PLCB1: variants seen among roughly 807,000 people sequenced by gnomAD.
PLCB1 encodes phospholipase C beta 1, also known as 1-phosphatidylinositol 4,5-bisphosphate phosphodiesterase beta-1.
In PLCB1, 46 loss-of-function variants were observed where a neutral mutation model predicts 161.8. That is an observed-to-expected ratio of 0.28 (90% confidence interval 0.22 to 0.36). The LOEUF (loss-of-function observed/expected upper bound fraction) is 0.36, where lower values mean the gene tolerates loss of function less well. PLCB1 is among the 10% of genes least tolerant of loss of function. The pLI, the probability that PLCB1 is intolerant of heterozygous loss-of-function variation, is 1.00. For synonymous variants in PLCB1, 517 were observed against 503.7 expected (o/e 1.03, Z -0.35); for missense variants, 1,016 against 1,472.5 (o/e 0.69, Z 5.07).
At chr20:8,761,976 A>AGGGG (rs376412796) in intron 25 of PLCB1, among the ~76,000 whole-genome samples, 3,335 of 146,188 alleles carry the variant, frequency 0.023, 34 homozygotes, top group African/African-American at 0.034. Flanking sequence ...GGGGAGGCCA[A>AGGGG]GGGGGGGGCG....
At chr20:8,457,025 T>C (rs888270739) in intron 3 of PLCB1, among the ~76,000 whole-genome samples, 1 of 152,238 alleles carries the variant, frequency 6.6e-6, no homozygotes, top group Admixed American at 6.5e-5. Flanking sequence ...GTCAGTCACA[T>C]TTTAACCAAA....
chr20:8,620,485 A>G (rs1452240084), intron 3 of PLCB1, among the ~76,000 whole-genome samples: 1 of 152,024 alleles, frequency 6.6e-6, no homozygotes, highest in East Asian at 1.9e-4. Context: ...CACACTTGCA[A>G]TCCTAGCATT....
intron 27 of PLCB1, among the ~76,000 whole-genome samples, chr20:8,778,343 C>T (rs149843541): frequency 2.0e-5 from 3 of 152,156 alleles, no homozygotes; most frequent in East Asian, 1.9e-4. Context: ...CCTAAACATC[C>T]CAGGAACAAT....
chr20:8,363,973 G>T (rs562013134), intron 2 of PLCB1, among the ~76,000 whole-genome samples: 4 of 152,056 alleles, frequency 2.6e-5, no homozygotes, highest in Non-Finnish European at 5.9e-5. Flanking sequence ...AAATACATAC[G>T]ATTATTATTG....
At chr20:8,276,412 C>T (rs1032936930) in intron 2 of PLCB1, among the ~76,000 whole-genome samples, 2 of 152,104 alleles carry the variant, frequency 1.3e-5, no homozygotes, top group African/African-American at 4.8e-5. Flanking sequence ...GCTTGGGAAA[C>T]CTGCCTCACA....
At chr20:8,313,370 AGGCCACTCTGAGC>A (rs1410257220) in intron 2 of PLCB1, among the ~76,000 whole-genome samples, 95 of 152,264 alleles carry the variant, frequency 6.2e-4, no homozygotes, top group Admixed American at 5.8e-3. Flanking sequence ...ATTCTCCAGC[AGGCCACTCTGAGC>A]ATGTTCTCAT....
At chr20:8,240,390 T>TA (rs1980550675) in intron 2 of PLCB1, among the ~76,000 whole-genome samples, 3 of 152,016 alleles carry the variant, frequency 2.0e-5, no homozygotes, top group Non-Finnish European at 4.4e-5. Flanking sequence ...TTTTTATACT[T>TA]AGTGATGTAT....
At chr20:8,278,791 A>G (rs1263551946) in intron 2 of PLCB1, among the ~76,000 whole-genome samples, 10 of 152,110 alleles carry the variant, frequency 6.6e-5, no homozygotes, top group Non-Finnish European at 1.5e-4. Flanking sequence ...AAAGGTGAAC[A>G]TACACGTGTG....
intron 3 of PLCB1, among the ~76,000 whole-genome samples, chr20:8,436,967 T>C (rs1980341546): frequency 6.6e-6 from 1 of 152,080 alleles, no homozygotes; most frequent in Non-Finnish European, 1.5e-5. Flanking sequence ...TTTTTGTATT[T>C]TTAGTAGAGA....
intron 31 of PLCB1, among the ~76,000 whole-genome samples, chr20:8,851,194 C>T (rs1306903748): frequency 6.6e-6 from 1 of 152,198 alleles, no homozygotes; most frequent in East Asian, 1.9e-4. Flanking sequence ...ATTAGATGAC[C>T]TTGTGTGCTC....
chr20:8,759,900 T>TTC (rs1440033701), intron 24 of PLCB1, among the ~76,000 whole-genome samples: 1 of 135,682 alleles, frequency 7.4e-6, no homozygotes, highest in East Asian at 2.0e-4. Flanking sequence ...TATCACATTT[T>TTC]TTTTTTTTTT....
chr20:8,202,706 CA>C (rs1405566416), intron 2 of PLCB1, among the ~76,000 whole-genome samples: 2 of 152,130 alleles, frequency 1.3e-5, no homozygotes, highest in Non-Finnish European at 2.9e-5. Flanking sequence ...GGATCCCACA[CA>C]GGGATAAAGA....
chr20:8,549,204 TA>T lies in PLCB1; in HGVS notation c.247-79089del, dbSNP rs1424560037. 3.8e-4 allele frequency among the ~76,000 whole-genome samples: 58 copies of T among 152,208 alleles called. 1 individual carries two copies. The highest frequency in any genetic ancestry group is 1.3e-3 in the African/African-American group (54 of 41,546). On this transcript the variant is annotated intron_variant, in intron 3 of 31. Coordinates refer to ENST00000338037, the MANE Select transcript of PLCB1 (RefSeq NM_015192.4). ...ACCAGAAAATAAATAAATAAATATA[TA>T]TTTTTTTAAAACCTGCTTTGTCAGG...
intron 27 of PLCB1, among the ~76,000 whole-genome samples, chr20:8,779,273 G>A (rs1209691118): frequency 3.9e-5 from 6 of 151,940 alleles, no homozygotes; most frequent in Admixed American, 6.6e-5. Flanking sequence ...ATAGACACTG[G>A]AGACGAAAAT....
chr20:8,537,214 C>T (rs1568498176), intron 3 of PLCB1, among the ~76,000 whole-genome samples: 1 of 152,152 alleles, frequency 6.6e-6, no homozygotes, highest in East Asian at 1.9e-4. Context: ...GTAAAGTACA[C>T]TTGGAAGAGG....
At chr20:8,603,291 T>A (rs888840790) in intron 3 of PLCB1, among the ~76,000 whole-genome samples, 1 of 152,242 alleles carries the variant, frequency 6.6e-6, no homozygotes, top group Non-Finnish European at 1.5e-5. Flanking sequence ...CCCTCTTTTA[T>A]ATACATCCCT....
intron 14 of PLCB1, among the ~76,000 whole-genome samples, chr20:8,721,690 G>A (rs1210859139): frequency 1.3e-5 from 2 of 152,128 alleles, no homozygotes; most frequent in Non-Finnish European, 2.9e-5. Flanking sequence ...TATGCACTTC[G>A]TTGTGATGAC....
intron 3 of PLCB1, among the ~76,000 whole-genome samples, chr20:8,487,297 A>G (rs1384067513): frequency 6.6e-6 from 1 of 152,228 alleles, no homozygotes; most frequent in Non-Finnish European, 1.5e-5. Context: ...TAGAATTTGC[A>G]AAATAGTGAA....
chr20:8,451,326 T>C (rs552247894), intron 3 of PLCB1, among the ~76,000 whole-genome samples: 6 of 152,204 alleles, frequency 3.9e-5, no homozygotes, highest in Non-Finnish European at 8.8e-5. Context: ...ACTCATCCTG[T>C]GAATCCTTTT....
Sources: allele counts gnomAD v4.1 joint callset (sites outside exome capture counted in the v4.1 genomes callset), GRCh38; gene constraint gnomAD v4.1.1; transcripts MANE v1.5; gene names NCBI Gene and HGNC (gene_info 2026-07-23, HGNC 2026-07-21).